The following TYROBP variants were observed in gnomAD, a reference collection of about 807,000 sequenced individuals.
The protein encoded by TYROBP is transmembrane immune signaling adaptor TYROBP.
A neutral mutation model predicts 17.1 loss-of-function variants in TYROBP; 14 were observed. That is an observed-to-expected ratio of 0.82 (90% CI 0.54 to 1.28). TYROBP has a LOEUF of 1.28. TYROBP is among the 50% of genes most tolerant of loss of function. TYROBP has a pLI of 0.00. For missense variants in TYROBP, 161 were observed against 151.4 expected (o/e 1.06, Z -0.33); for synonymous variants, 73 against 67.4 (o/e 1.08, Z -0.41).
At chr19:35,907,385 A>C in intron 3 of TYROBP, 61 bp downstream of exon 3, 10 of 1,134,076 alleles carry the variant, frequency 8.8e-6, no homozygotes, top group Non-Finnish European at 1.3e-5. Flanking sequence ...CTGGGAGTTT[A>C]CCCAGCCCCC....
At chr19:35,907,389 A>AC in intron 3 of TYROBP, 57 bp downstream of exon 3, 3 of 1,146,226 alleles carry the variant, frequency 2.6e-6, no homozygotes, top group South Asian at 1.2e-5. Flanking sequence ...GAGTTTACCC[A>AC]GCCCCCCACC....
rs1975670603 is a variant in TYROBP at position 35,904,552 on chromosome 19, A to T, written c.*17T>A. Reference sequence around the variant, plus strand: ...GCTGGATCCAGGTATCATGTTGCTGACTGTCATGATTCGGGCTCATTTGTA... The same window carrying T: ...GCTGGATCCAGGTATCATGTTGCTGTCTGTCATGATTCGGGCTCATTTGTA... On this transcript the variant is annotated 3_prime_UTR_variant, in exon 5 of 5. Coordinates refer to ENST00000262629, the MANE Select transcript of TYROBP (RefSeq NM_003332.4). 6.2e-7 allele frequency: 1 copy of T among 1,612,946 alleles called. No individual in the cohort carries two copies. Among genetic ancestry groups the T allele is most frequent in the Non-Finnish European group, 8.5e-7 (1 of 1,179,612 alleles).
intron 1 of TYROBP, among the ~76,000 whole-genome samples, 175 bp downstream of exon 1, chr19:35,907,993 C>T (rs924513341): frequency 6.6e-6 from 1 of 152,098 alleles, no homozygotes; most frequent in Non-Finnish European, 1.5e-5. Context: ...CTGCTTGTAG[C>T]GGACGACAAA....
intron 4 of TYROBP, among the ~76,000 whole-genome samples, chr19:35,905,954 A>AT (rs1205201547): frequency 1.4e-5 from 2 of 142,394 alleles, no homozygotes; most frequent in Non-Finnish European, 3.0e-5. Flanking sequence ...CTCCATCTCA[A>AT]AAAAAAAAAA....
At position 35,904,533 on chromosome 19, in the gene TYROBP, T is replaced by C; in HGVS notation, c.*36A>G. The C allele has an allele frequency of 1.9e-6, 3 of 1,608,202 alleles. No homozygotes were observed. Among genetic ancestry groups the C allele is most frequent in the Non-Finnish European group, 2.6e-6 (3 of 1,176,130 alleles). On this transcript the variant is annotated 3_prime_UTR_variant, in exon 5 of 5. Coordinates refer to ENST00000262629, the MANE Select transcript of TYROBP (RefSeq NM_003332.4). Reference sequence around the variant, plus strand: ...AGGGTGGGCTTCAGGAATGGCTGGATCCAGGTATCATGTTGCTGACTGTCA... The same window carrying C: ...AGGGTGGGCTTCAGGAATGGCTGGACCCAGGTATCATGTTGCTGACTGTCA...
intron 3 of TYROBP, 29 bp from the exon 4 acceptor site, chr19:35,907,293 G>C (rs771338028): frequency 5.6e-6 from 9 of 1,612,308 alleles, no homozygotes; most frequent in Non-Finnish European, 7.6e-6. Flanking sequence ...GTGGGGTGCA[G>C]AGACAGGCAG....
chr19:35,907,673 A>G (rs994296322), intron 2 of TYROBP, 57 bp downstream of exon 2: 77 of 1,613,168 alleles, frequency 4.8e-5, no homozygotes, highest in Non-Finnish European at 6.4e-5. Flanking sequence ...TGTGGGAGAG[A>G]CGGAGACAGG....
intron 4 of TYROBP, among the ~76,000 whole-genome samples, chr19:35,905,589 G>T (rs1975700648): frequency 6.6e-6 from 1 of 151,720 alleles, no homozygotes; most frequent in Admixed American, 6.6e-5. Context: ...GAGGTAACAG[G>T]ATCTCTTGAG....
In TYROBP at chr19:35,904,585, C is replaced by T; in HGVS notation, c.326G>A (p.Arg109Lys). ...GATTCGGGCTCATTTGTAATACGGC[C>T]TCTGTGTGTTGAGGTCGCTGTAGAC... ...SDVYSDLNTQ[R>K]PYYK The change falls in exon 5 of 5, where the codon AGG becomes AAG. Residue 109 changes from arginine to lysine, a missense_variant. Arg to Lys is a conservative substitution (Grantham distance 26, BLOSUM62 2). Coordinates refer to ENST00000262629, the MANE Select transcript of TYROBP (RefSeq NM_003332.4). 6.2e-7 allele frequency: 1 copy of T among 1,613,724 alleles called. No individual in the cohort carries two copies. Among genetic ancestry groups the T allele is most frequent in the South Asian group, 1.1e-5 (1 of 90,922 alleles).
In TYROBP at chr19:35,904,529, T is replaced by C; in HGVS notation, c.*40A>G. The C allele has an allele frequency of 6.2e-7, 1 of 1,606,130 alleles. No individual in the cohort carries two copies. The highest frequency in any genetic ancestry group is 8.5e-7 in the Non-Finnish European group (1 of 1,174,548). On this transcript the variant is annotated 3_prime_UTR_variant, in exon 5 of 5. Coordinates refer to ENST00000262629, the MANE Select transcript of TYROBP (RefSeq NM_003332.4). ...GTGCAGGGTGGGCTTCAGGAATGGCTGGATCCAGGTATCATGTTGCTGACT... is the reference window on the plus strand; with the variant it reads ...GTGCAGGGTGGGCTTCAGGAATGGCCGGATCCAGGTATCATGTTGCTGACT...
rs766014534 is a variant in TYROBP, at chr19:35,907,538, A to G, written c.137T>C (p.Ile46Thr). ...STVSPGVLAG[I>T]VMGDLVLTVL... Reference sequence around the variant, plus strand: ...TGTCAGCACCAGGTCTCCCATCACGATCCCTGCCAGCACGCCCGGGCTCAC... The same window carrying G: ...TGTCAGCACCAGGTCTCCCATCACGGTCCCTGCCAGCACGCCCGGGCTCAC... The change falls in exon 3 of 5, where the codon ATC (isoleucine) becomes ACC (threonine). Residue 46 changes from isoleucine (I) to threonine (T), a missense_variant. By Grantham distance (89) the Ile-to-Thr change is moderately conservative. Transcript: ENST00000262629. 1 of 1,613,972 alleles carries G rather than the reference A, an allele frequency of 6.2e-7. No homozygotes were observed. The highest frequency in any genetic ancestry group is 1.1e-5 in the South Asian group (1 of 91,080).
At chr19:35,906,509 T>C (rs1374121608) in intron 4 of TYROBP, among the ~76,000 whole-genome samples, 4 of 152,126 alleles carry the variant, frequency 2.6e-5, no homozygotes, top group Non-Finnish European at 4.4e-5. Flanking sequence ...CTCAAAGGGA[T>C]GAAGGGTCCT....
chr19:35,907,625 TGGGGAG>T (rs767648127), intron 2 of TYROBP, 45 bp from the exon 3 acceptor site: 2 of 1,612,602 alleles, frequency 1.2e-6, no homozygotes, highest in African/African-American at 2.7e-5. Flanking sequence ...CTGGGAACTG[TGGGGAG>T]GGGGGTCAGC....
intron 4 of TYROBP, among the ~76,000 whole-genome samples, chr19:35,906,112 C>A (rs1055390335): frequency 6.7e-6 from 1 of 148,688 alleles, no homozygotes. Flanking sequence ...CATAGTGAGA[C>A]CCCTGTCTTT....
Position 35,905,779 on chromosome 19 carries a change from C to G in TYROBP, c.277-1145G>C, listed in dbSNP as rs111480245. ...ACCAGCCTGGCCAACATAGTGAAAC[C>G]CCATCTCTACTAAAAATACAAAAAT... On this transcript the variant is annotated intron_variant, in intron 4 of 4. Coordinates refer to ENST00000262629, the MANE Select transcript of TYROBP (RefSeq NM_003332.4). 8.8e-3 allele frequency among the ~76,000 whole-genome samples: 1,329 copies of G among 151,832 alleles called. 22 individuals are homozygous for G. Among genetic ancestry groups the G allele is most frequent in the African/African-American group, 0.03 (1,260 of 41,412 alleles).
intron 4 of TYROBP, 41 bp downstream of exon 4, chr19:35,907,177 G>C (rs1020992204): frequency 1.1e-5 from 18 of 1,565,346 alleles, no homozygotes; most frequent in African/African-American, 4.0e-5. Flanking sequence ...AGATATCCCT[G>C]GCAGGAGTGA....
At chr19:35,905,167 A>G (rs1975691873) in intron 4 of TYROBP, among the ~76,000 whole-genome samples, 1 of 152,224 alleles carries the variant, frequency 6.6e-6, no homozygotes, top group Non-Finnish European at 1.5e-5. Context: ...CACTGCCACC[A>G]GTAACTGGAA....
chr19:35,904,648 G>T lies in TYROBP; in HGVS notation c.277-14C>A. 2 of 1,610,542 alleles carry T rather than the reference G, an allele frequency of 1.2e-6. No individual in the cohort carries two copies. The highest frequency in any genetic ancestry group is 1.7e-6 in the Non-Finnish European group (2 of 1,178,232). On this transcript the variant is annotated splice_polypyrimidine_tract_variant and intron_variant, in intron 4 of 4. Coordinates refer to ENST00000262629, the MANE Select transcript of TYROBP (RefSeq NM_003332.4). ...ACCCTGGAGCTCCTAAAGGAATGGG[G>T]GCCATCAGTGGAAGGGACCCACCAA...
chr19:35,908,283 C>A lies in TYROBP; in HGVS notation c.-55G>T, dbSNP rs763081510. ...TAAGGGCCGGTGGGATGTGGCGCAGCGTCCAGGCAAGTGAAGGAGGAAGTC... is the reference window on the plus strand; with the variant it reads ...TAAGGGCCGGTGGGATGTGGCGCAGAGTCCAGGCAAGTGAAGGAGGAAGTC... On this transcript the variant is annotated 5_prime_UTR_variant, in exon 1 of 5. Transcript: ENST00000262629. 6.6e-7 allele frequency: 1 copy of A among 1,517,268 alleles called. No individual in the cohort carries two copies. The highest frequency in any genetic ancestry group is 9.2e-7 in the Non-Finnish European group (1 of 1,092,484). The allele number at this position is 1,517,268 out of a possible 1,614,324, so 94.0% of individuals were successfully genotyped here.
Sources: gnomAD v4.1 joint callset for allele counts (sites outside exome capture counted in the v4.1 genomes callset) on GRCh38, gnomAD v4.1.1 for gene constraint, MANE v1.5 for transcripts, NCBI Gene and HGNC (gene_info 2026-07-23, HGNC 2026-07-21) for gene names.